The following P2RY12 variants were observed in gnomAD, a reference collection of about 807,000 sequenced individuals.
P2RY12 encodes the protein P2Y purinoceptor 12.
Under a neutral mutation model 4.5 loss-of-function variants are expected in P2RY12, and 3 were observed. The ratio of observed to expected loss-of-function variants is 0.67; its 90% CI spans 0.31 to 1.74. The LOEUF is 1.74. Ranked by LOEUF, P2RY12 falls within the 40% of genes most tolerant of loss-of-function variation. The pLI, the probability that P2RY12 is intolerant of heterozygous loss-of-function variation, is 0.09. For missense variants in P2RY12, 356 were observed against 407.8 expected (o/e 0.87, Z 1.09); for synonymous variants, 148 against 154.1 (o/e 0.96, Z 0.29).
intron 1 of P2RY12, among the ~76,000 whole-genome samples, chr3:151,362,217 A>G (rs543890809): frequency 6.6e-6 from 1 of 151,848 alleles, no homozygotes; most frequent in Non-Finnish European, 1.5e-5. Flanking sequence ...TCTAAAACAC[A>G]TTTTCAACAT....
intron 1 of P2RY12, among the ~76,000 whole-genome samples, chr3:151,381,853 G>A (rs531327871): frequency 1.3e-5 from 2 of 152,200 alleles, no homozygotes; most frequent in African/African-American, 4.8e-5. Flanking sequence ...TCACCTTGCA[G>A]GGTACTTACA....
At chr3:151,348,364 GAAAAAA>G (rs1752807376) in intron 1 of P2RY12, among the ~76,000 whole-genome samples, 1 of 120,054 alleles carries the variant, frequency 8.3e-6, no homozygotes, top group South Asian at 2.5e-4. Context: ...AAAAAAAAAA[GAAAAAA>G]GAAATATATC....
At chr3:151,377,198 T>C (rs1285246277) in intron 1 of P2RY12, 6 of 1,591,612 alleles carry the variant, frequency 3.8e-6, no homozygotes, top group Non-Finnish European at 5.1e-6. Flanking sequence ...TCTGTTGTTT[T>C]ATTGAACTGT....
chr3:151,360,404 T>G, intron 1 of P2RY12: 1 of 1,430,118 alleles, frequency 7.0e-7, no homozygotes, highest in Non-Finnish European at 9.6e-7. Flanking sequence ...ATTTTCATTC[T>G]AAAAGAGTCA....
At chr3:151,369,249 TAAAAA>T (rs1175632739) in intron 1 of P2RY12, among the ~76,000 whole-genome samples, 7 of 152,086 alleles carry the variant, frequency 4.6e-5, no homozygotes, top group Admixed American at 4.6e-4. Flanking sequence ...TTTTAATAAA[TAAAAA>T]GAAAAGGATA....
At chr3:151,352,529 A>G (rs1221394598) in intron 1 of P2RY12, among the ~76,000 whole-genome samples, 2 of 152,228 alleles carry the variant, frequency 1.3e-5, no homozygotes, top group Non-Finnish European at 2.9e-5. Context: ...CTTCATATTA[A>G]TGGAAATATG....
chr3:151,353,814 A>G (rs1386039753), intron 1 of P2RY12, among the ~76,000 whole-genome samples: 1 of 152,212 alleles, frequency 6.6e-6, no homozygotes, highest in East Asian at 1.9e-4. Flanking sequence ...TGTGAGGAGT[A>G]GAACTCTTGT....
At chr3:151,363,151 CAG>C (rs1491523900) in intron 1 of P2RY12, among the ~76,000 whole-genome samples, 12 of 152,110 alleles carry the variant, frequency 7.9e-5, no homozygotes, top group African/African-American at 2.7e-4. Context: ...AGTAATTACT[CAG>C]GGGTCAGCAG....
At chr3:151,383,633 T>G in intron 1 of P2RY12, 1 of 576,524 alleles carries the variant, frequency 1.7e-6, no homozygotes. Context: ...AACATGTAGG[T>G]AAAAGAGAAA....
chr3:151,361,223 GTTTACT>G (rs1246085687), intron 1 of P2RY12, among the ~76,000 whole-genome samples: 1 of 152,004 alleles, frequency 6.6e-6, no homozygotes, highest in Non-Finnish European at 1.5e-5. Context: ...TTCAGACTGT[GTTTACT>G]TTTCCTCTTT....
chr3:151,341,159 A>G (rs1751769434), intron 1 of P2RY12, among the ~76,000 whole-genome samples: 2 of 152,156 alleles, frequency 1.3e-5, no homozygotes, highest in African/African-American at 4.8e-5. Flanking sequence ...ACAAGTAATT[A>G]TGTTAACTCA....
At chr3:151,367,579 G>A in intron 1 of P2RY12, 2 of 1,434,468 alleles carry the variant, frequency 1.4e-6, no homozygotes, top group Non-Finnish European at 1.9e-6. Context: ...CATTCTCTTA[G>A]TTATTAATCT....
chr3:151,379,591 G>T (rs1577503470), intron 1 of P2RY12, among the ~76,000 whole-genome samples: 1 of 152,154 alleles, frequency 6.6e-6, no homozygotes, highest in African/African-American at 2.4e-5. Context: ...GGAGTCCTCA[G>T]CCCTGGCTGA....
chr3:151,350,706 G>A (rs1317346278), intron 1 of P2RY12, among the ~76,000 whole-genome samples: 1 of 152,150 alleles, frequency 6.6e-6, no homozygotes, highest in Non-Finnish European at 1.5e-5. Flanking sequence ...AATGATTGCA[G>A]TAGGTAGTGA....
chr3:151,368,313 C>A, intron 1 of P2RY12: 1 of 1,400,764 alleles, frequency 7.1e-7, no homozygotes, highest in Non-Finnish European at 1.0e-6. Context: ...TCTAAAATGA[C>A]CAAATAGGCT....
rs77746094 is a variant in P2RY12, at chr3:151,372,382, A to G, written c.-180+12310T>C. On this transcript the variant is annotated intron_variant, in intron 1 of 2. Coordinates refer to ENST00000302632, the MANE Select transcript of P2RY12 (RefSeq NM_022788.5). ...AACTTGCTTTTTCTCCATTTCTGTT[A>G]GAAACTTCTCTGGGTTCATGCATTT... Among the ~76,000 whole-genome samples, 438 of 152,310 alleles carry G rather than the reference A, an allele frequency of 2.9e-3. 2 individuals carry two copies. Among genetic ancestry groups the G allele is most frequent in the African/African-American group, 9.9e-3 (413 of 41,572 alleles).
intron 1 of P2RY12, among the ~76,000 whole-genome samples, chr3:151,354,160 A>AAAAAAAAAAT: frequency 6.6e-6 from 1 of 150,820 alleles, no homozygotes; most frequent in Non-Finnish European, 1.5e-5. Context: ...AAAAAAAAAA[A>AAAAAAAAAAT]AAAAGAATCA....
intron 1 of P2RY12, among the ~76,000 whole-genome samples, chr3:151,361,903 A>G (rs1050322957): frequency 6.6e-6 from 1 of 152,172 alleles, no homozygotes; most frequent in African/African-American, 2.4e-5. Flanking sequence ...AGGGCTGGAA[A>G]GTAAATGCTT....
chr3:151,356,306 C>G (rs1299255180), intron 1 of P2RY12, among the ~76,000 whole-genome samples: 1 of 152,018 alleles, frequency 6.6e-6, no homozygotes, highest in Non-Finnish European at 1.5e-5. Context: ...GCAGGAGACT[C>G]ACTTAAGCCC....
Sources: gnomAD v4.1 joint callset for allele counts (sites outside exome capture counted in the v4.1 genomes callset) on GRCh38, gnomAD v4.1.1 for gene constraint, MANE v1.5 for transcripts, NCBI Gene and HGNC (gene_info 2026-07-23, HGNC 2026-07-21) for gene names.